The following APBB2 variants were observed in gnomAD, a reference collection of about 807,000 sequenced individuals.
APBB2 encodes amyloid beta precursor protein binding family B member 2, also known as Fe65-like 1.
APBB2 carries 38 observed loss-of-function variants against 82.5 expected under a neutral mutation model. The ratio of observed to expected loss-of-function variants is 0.46; its 90% CI spans 0.36 to 0.60. The LOEUF is 0.60. Ranked by LOEUF, APBB2 falls within the 20% of genes least tolerant of loss-of-function variation. APBB2 has a pLI of 0.00. For missense variants in APBB2, 772 were observed against 972.3 expected (o/e 0.79, Z 2.74); for synonymous variants, 341 against 368.2 (o/e 0.93, Z 0.85).
At chr4:41,170,966 G>A (rs1042607661) in intron 1 of APBB2, among the ~76,000 whole-genome samples, 8 of 152,192 alleles carry the variant, frequency 5.3e-5, no homozygotes, top group Non-Finnish European at 8.8e-5. Flanking sequence ...GTGTTAACCT[G>A]TACAATATCT....
chr4:41,018,912 G>A (rs970241407), intron 5 of APBB2, among the ~76,000 whole-genome samples: 1 of 152,190 alleles, frequency 6.6e-6, no homozygotes, highest in African/African-American at 2.4e-5. Context: ...AGTCACAAGA[G>A]ACTTAGGTAT....
Position 40,823,701 on chromosome 4 carries a change from GTCC to G in APBB2, c.1872_1874del (p.Glu624del). The stretch of plus-strand genomic sequence containing the variant: ...CCACGTTCATGTTCACTGACAGCCA[GTCC>G]TCCTTGTTGGATGAGGTCATAAGAT... On this transcript the variant is annotated inframe_deletion, in exon 16 of 18. Coordinates refer to ENST00000508593, the MANE Select transcript of APBB2 (RefSeq NM_004307.2). 1 of 1,613,998 alleles carries G rather than the reference GTCC, an allele frequency of 6.2e-7. No individual in the cohort carries two copies.
chr4:41,021,715 T>C (rs959496279), intron 5 of APBB2, among the ~76,000 whole-genome samples: 5 of 152,164 alleles, frequency 3.3e-5, no homozygotes, highest in African/African-American at 1.2e-4. Context: ...GAGCTAGCAA[T>C]GGCAACTCGC....
At chr4:41,047,893 A>C (rs1724021772) in intron 4 of APBB2, among the ~76,000 whole-genome samples, 1 of 152,192 alleles carries the variant, frequency 6.6e-6, no homozygotes, top group Non-Finnish European at 1.5e-5. Context: ...AGCAACACAG[A>C]GCTTACCTTT....
chr4:41,135,726 A>G (rs1347672859), intron 2 of APBB2, among the ~76,000 whole-genome samples: 1 of 152,240 alleles, frequency 6.6e-6, no homozygotes, highest in Non-Finnish European at 1.5e-5. Flanking sequence ...AAGACAAGAA[A>G]AATATCAAAA....
chr4:40,853,727 G>T (rs746919275), intron 12 of APBB2, among the ~76,000 whole-genome samples: 3 of 152,094 alleles, frequency 2.0e-5, no homozygotes, highest in Non-Finnish European at 4.4e-5. Flanking sequence ...AAAGTGCTGG[G>T]ATTACAGATA....
chr4:41,171,622 T>C (rs1191382838), intron 1 of APBB2, among the ~76,000 whole-genome samples: 2 of 152,226 alleles, frequency 1.3e-5, no homozygotes, highest in African/African-American at 4.8e-5. Flanking sequence ...TGACCCAGAA[T>C]GAGCCTTATA....
At chr4:41,139,824 G>A (rs1419939786) in intron 2 of APBB2, among the ~76,000 whole-genome samples, 1 of 152,256 alleles carries the variant, frequency 6.6e-6, no homozygotes, top group African/African-American at 2.4e-5. Context: ...GTATGATACT[G>A]TAATGGAAAT....
At chr4:41,159,955 GAGA>G (rs1184127216) in intron 1 of APBB2, among the ~76,000 whole-genome samples, 5 of 48,754 alleles carry the variant, frequency 1.0e-4, no homozygotes, top group African/African-American at 2.7e-4. Flanking sequence ...GAAGGAGAAG[GAGA>G]AGGAGAAGAA....
At chr4:41,128,699 T>C (rs1755120496) in intron 2 of APBB2, among the ~76,000 whole-genome samples, 1 of 152,198 alleles carries the variant, frequency 6.6e-6, no homozygotes, top group Non-Finnish European at 1.5e-5. Context: ...AAACCAAACC[T>C]GTGCCCTCAT....
chr4:41,112,833 C>T (rs1226515027), intron 2 of APBB2, among the ~76,000 whole-genome samples: 1 of 151,988 alleles, frequency 6.6e-6, no homozygotes, highest in Non-Finnish European at 1.5e-5. Flanking sequence ...ACTAAAAATG[C>T]AAAATTAGCC....
intron 1 of APBB2, among the ~76,000 whole-genome samples, chr4:41,145,437 T>C (rs927090743): frequency 6.6e-6 from 1 of 152,130 alleles, no homozygotes; most frequent in Non-Finnish European, 1.5e-5. Flanking sequence ...CTCTTGGAAA[T>C]AAACTTTGTA....
intron 6 of APBB2, among the ~76,000 whole-genome samples, chr4:41,011,897 C>T (rs911595495): frequency 3.3e-5 from 5 of 152,136 alleles, no homozygotes; most frequent in Non-Finnish European, 4.4e-5. Context: ...GAGTCTCGCT[C>T]GATCACCCAG....
chr4:40,895,125 A>G (rs1773306480), intron 10 of APBB2, among the ~76,000 whole-genome samples: 1 of 152,120 alleles, frequency 6.6e-6, no homozygotes, highest in East Asian at 1.9e-4. Flanking sequence ...TCTTCCAGTC[A>G]CCGTGCACAG....
intron 1 of APBB2, among the ~76,000 whole-genome samples, chr4:41,167,166 T>TG (rs1766892507): frequency 6.6e-6 from 1 of 152,064 alleles, no homozygotes; most frequent in African/African-American, 2.4e-5. Flanking sequence ...AGGCAAGAGG[T>TG]GGGGGCAGGC....
chr4:40,957,063 C>G (rs1439706842), intron 6 of APBB2, among the ~76,000 whole-genome samples: 1 of 152,158 alleles, frequency 6.6e-6, no homozygotes, highest in Admixed American at 6.5e-5. Context: ...TTCTAATGAC[C>G]CATCTGCTCT....
intron 5 of APBB2, among the ~76,000 whole-genome samples, chr4:41,018,313 A>C (rs911577292): frequency 1.3e-4 from 20 of 152,222 alleles, no homozygotes; most frequent in African/African-American, 4.6e-4. Flanking sequence ...GGCTTGCAGA[A>C]GAAAAACACA....
At chr4:40,857,418 C>T (rs1480344166) in intron 12 of APBB2, among the ~76,000 whole-genome samples, 1 of 152,212 alleles carries the variant, frequency 6.6e-6, no homozygotes, top group Non-Finnish European at 1.5e-5. Context: ...TCATTCAAAC[C>T]CACTGAACCT....
intron 15 of APBB2, among the ~76,000 whole-genome samples, chr4:40,824,975 T>C (rs1357711943): frequency 1.3e-5 from 2 of 152,172 alleles, no homozygotes; most frequent in African/African-American, 4.8e-5. Flanking sequence ...CAGTATGCAG[T>C]CTTTTGGGAC....
Sources: allele counts gnomAD v4.1 joint callset (sites outside exome capture counted in the v4.1 genomes callset), GRCh38; gene constraint gnomAD v4.1.1; transcripts MANE v1.5; gene names NCBI Gene and HGNC (gene_info 2026-07-23, HGNC 2026-07-21).